Variants in CDH13 observed in about 807,000 individuals in gnomAD.
CDH13 encodes cadherin 13.
A neutral mutation model predicts 63.8 loss-of-function variants in CDH13; 24 were observed. The observed-to-expected ratio is 0.38, with a 90% CI of 0.27 to 0.53. The LOEUF is 0.53. CDH13 is among the 20% of genes least tolerant of loss of function. The pLI is 0.85. For missense variants in CDH13, 1,049 were observed against 903.1 expected (o/e 1.16, Z -2.07); for synonymous variants, 503 against 355.3 (o/e 1.42, Z -4.67).
Position 83,769,308 on chromosome 16 carries a change from C to T in CDH13, c.1682-10660C>T, listed in dbSNP as rs570076966. The stretch of plus-strand genomic sequence containing the variant: ...ATCAATTCTTAAACAGTCTTCTGGC[C>T]TTAATGTCAGAGATCCTATCTAGGG... On this transcript the variant is annotated intron_variant, in intron 11 of 13. Coordinates refer to ENST00000567109, the MANE Select transcript of CDH13 (RefSeq NM_001257.5). Among the ~76,000 whole-genome samples, 3 of 152,232 alleles carry T rather than the reference C, an allele frequency of 2.0e-5. No homozygotes were observed. In the East Asian group the frequency reaches 5.8e-4, roughly 29 times the overall value.
chr16:83,634,016 G>C (rs374639959), intron 8 of CDH13, among the ~76,000 whole-genome samples: 10 of 151,954 alleles, frequency 6.6e-5, no homozygotes, highest in Admixed American at 2.6e-4. Flanking sequence ...TAGTAACATC[G>C]CCTATAACTG....
intron 7 of CDH13, among the ~76,000 whole-genome samples, chr16:83,518,758 A>C (rs2074760401): frequency 6.6e-6 from 1 of 152,074 alleles, no homozygotes; most frequent in Non-Finnish European, 1.5e-5. Context: ...GGTTTGAGCC[A>C]CCGAGCCCGG....
chr16:83,246,330 AG>A (rs950061913), intron 5 of CDH13, among the ~76,000 whole-genome samples: 1 of 151,824 alleles, frequency 6.6e-6, no homozygotes, highest in African/African-American at 2.4e-5. Context: ...CCCCTGATTC[AG>A]GGGGGGTCTG....
chr16:83,222,746 G>A (rs1247861013), intron 5 of CDH13, among the ~76,000 whole-genome samples: 1 of 152,112 alleles, frequency 6.6e-6, no homozygotes, highest in Non-Finnish European at 1.5e-5. Context: ...CAAAGGAAGA[G>A]ATTTATTAAA....
intron 1 of CDH13, chr16:82,823,615 A>C (rs910347798): frequency 1.3e-5 from 2 of 152,154 alleles, no homozygotes; most frequent in Admixed American, 1.3e-4. Context: ...AAAACCAAAA[A>C]CCAAAACAAC....
chr16:83,396,405 G>A (rs552032763), intron 6 of CDH13, among the ~76,000 whole-genome samples: 10 of 152,314 alleles, frequency 6.6e-5, no homozygotes, highest in East Asian at 1.9e-4. Flanking sequence ...CATGTGTCAT[G>A]TAATTCTATC....
chr16:82,671,592 T>C (rs887054070), intron 1 of CDH13, among the ~76,000 whole-genome samples: 9 of 152,248 alleles, frequency 5.9e-5, no homozygotes, highest in Non-Finnish European at 1.3e-4. Context: ...GGTTTGTTTT[T>C]CTCACTAATC....
intron 4 of CDH13, among the ~76,000 whole-genome samples, chr16:83,137,836 G>T (rs1316882281): frequency 6.6e-6 from 1 of 151,908 alleles, no homozygotes; most frequent in Admixed American, 6.6e-5. Flanking sequence ...GGATGGAGAT[G>T]GGAAAGAGAC....
At chr16:83,424,292 A>G (rs942031898) in intron 6 of CDH13, among the ~76,000 whole-genome samples, 8 of 150,794 alleles carry the variant, frequency 5.3e-5, no homozygotes, top group Non-Finnish European at 1.2e-4. Flanking sequence ...CATGGACTGG[A>G]CAGTCTAGAA....
Position 83,678,319 on chromosome 16 carries a change from A to G in CDH13, c.1396A>G (p.Ile466Val). 1.2e-6 allele frequency: 2 copies of G among 1,613,956 alleles called. No individual in the cohort carries two copies. The highest frequency in any genetic ancestry group is 2.2e-5 in the East Asian group (1 of 44,872). ...CCCCAGCTCCACAGCCACCGTCCACATCACTGTCCTGGATGTCAACGAGGG... is the reference window on the plus strand; with the variant it reads ...CCCCAGCTCCACAGCCACCGTCCACGTCACTGTCCTGGATGTCAACGAGGG... ...YGPSSTATVH[I>V]TVLDVNEGPV... Residue 466 changes from isoleucine (I) to valine (V), a missense_variant, in exon 10 of 14, where the codon ATC (isoleucine) becomes GTC (valine). Ile to Val is a conservative substitution (Grantham distance 29). Coordinates refer to ENST00000567109, the MANE Select transcript of CDH13 (RefSeq NM_001257.5).
chr16:82,863,953 C>A (rs1362482063), intron 2 of CDH13, among the ~76,000 whole-genome samples: 1 of 152,134 alleles, frequency 6.6e-6, no homozygotes, highest in Non-Finnish European at 1.5e-5. Context: ...GAGGGGAAAA[C>A]ACTACCGCCA....
intron 6 of CDH13, among the ~76,000 whole-genome samples, chr16:83,347,901 C>T (rs923100141): frequency 2.6e-5 from 4 of 152,104 alleles, no homozygotes; most frequent in African/African-American, 9.7e-5. Flanking sequence ...TACAAGAAAC[C>T]CAAGAACCAG....
chr16:83,688,249 T>C (rs1384930654), intron 10 of CDH13, among the ~76,000 whole-genome samples: 1 of 152,252 alleles, frequency 6.6e-6, no homozygotes, highest in African/African-American at 2.4e-5. Context: ...CATTTTATTC[T>C]GTATCTTCTA....
intron 8 of CDH13, among the ~76,000 whole-genome samples, chr16:83,619,842 G>C (rs555015434): frequency 6.6e-6 from 1 of 152,206 alleles, no homozygotes; most frequent in African/African-American, 2.4e-5. Context: ...GTATCCTTAG[G>C]GGGAGACACA....
chr16:83,733,871 G>T (rs1400790613), intron 10 of CDH13, among the ~76,000 whole-genome samples: 2 of 152,198 alleles, frequency 1.3e-5, no homozygotes, highest in Non-Finnish European at 2.9e-5. Context: ...GACAAAAGTG[G>T]AACGTGACCT....
intron 2 of CDH13, among the ~76,000 whole-genome samples, chr16:82,909,095 C>A (rs973457712): frequency 3.9e-5 from 6 of 152,088 alleles, no homozygotes; most frequent in African/African-American, 1.4e-4. Context: ...ATATGTAATA[C>A]AATGTAAATA....
At chr16:83,325,833 A>G (rs1362957174) in intron 5 of CDH13, among the ~76,000 whole-genome samples, 1 of 152,178 alleles carries the variant, frequency 6.6e-6, no homozygotes, top group Non-Finnish European at 1.5e-5. Context: ...TCACTGAATG[A>G]GGCATATTCT....
chr16:83,596,886 C>T (rs1907313565), intron 7 of CDH13, among the ~76,000 whole-genome samples: 1 of 152,164 alleles, frequency 6.6e-6, no homozygotes, highest in Non-Finnish European at 1.5e-5. Flanking sequence ...ATCCCCAAAT[C>T]ATAACAGGCC....
intron 2 of CDH13, among the ~76,000 whole-genome samples, chr16:82,860,037 G>A (rs956770246): frequency 3.3e-5 from 5 of 152,076 alleles, no homozygotes; most frequent in Non-Finnish European, 7.4e-5. Context: ...TTTCATTTTT[G>A]TATTTATCAG....
Sources: allele counts gnomAD v4.1 joint callset (sites outside exome capture counted in the v4.1 genomes callset), GRCh38; gene constraint gnomAD v4.1.1; transcripts MANE v1.5; gene names NCBI Gene and HGNC (gene_info 2026-07-23, HGNC 2026-07-21).